CRPPA: variants seen among roughly 807,000 people sequenced by gnomAD.
CRPPA encodes the protein D-ribitol-5-phosphate cytidylyltransferase.
In CRPPA, 43 loss-of-function variants were observed where a neutral mutation model predicts 52.0. The ratio of observed to expected loss-of-function variants is 0.83; its 90% CI spans 0.65 to 1.07. The LOEUF (loss-of-function observed/expected upper bound fraction) is 1.07. Among genes scored for constraint, CRPPA ranks in the 50% least tolerant of loss-of-function variants. CRPPA has a pLI of 0.00. For missense variants in CRPPA, 629 were observed against 551.7 expected (o/e 1.14, Z -1.40); for synonymous variants, 250 against 203.5 (o/e 1.23, Z -1.94).
intron 3 of CRPPA, among the ~76,000 whole-genome samples, chr7:16,331,696 T>C (rs575871614): frequency 1.3e-5 from 2 of 152,188 alleles, no homozygotes; most frequent in South Asian, 2.1e-4. Context: ...TCAAAAACAC[T>C]AATAGAAATG....
At chr7:16,331,022 T>C (rs1204775544) in intron 3 of CRPPA, among the ~76,000 whole-genome samples, 2 of 152,144 alleles carry the variant, frequency 1.3e-5, no homozygotes, top group African/African-American at 2.4e-5. Context: ...TTTTTTGAGA[T>C]GGAGTCTCGC....
chr7:16,243,238 C>G (rs543200119), intron 8 of CRPPA, among the ~76,000 whole-genome samples: 3 of 152,258 alleles, frequency 2.0e-5, no homozygotes, highest in Admixed American at 6.5e-5. Flanking sequence ...GAAGAAGGTG[C>G]CTGCTTCTCC....
chr7:16,355,765 G>A (rs1308078752), intron 3 of CRPPA, among the ~76,000 whole-genome samples: 1 of 152,168 alleles, frequency 6.6e-6, no homozygotes, highest in Non-Finnish European at 1.5e-5. Context: ...TTGAACTAGA[G>A]TGGTTTGGGT....
intron 3 of CRPPA, among the ~76,000 whole-genome samples, chr7:16,363,647 A>C (rs2128309749): frequency 6.6e-6 from 1 of 152,318 alleles, no homozygotes. Flanking sequence ...ATCAAGCATT[A>C]TACTTAAGAA....
At chr7:16,170,707 G>A (rs1164642763) in intron 9 of CRPPA, among the ~76,000 whole-genome samples, 1 of 152,202 alleles carries the variant, frequency 6.6e-6, no homozygotes, top group Non-Finnish European at 1.5e-5. Flanking sequence ...GTGGGCTGCA[G>A]GTCCCGAGCC....
chr7:16,163,328 A>G (rs1188766176), intron 9 of CRPPA, among the ~76,000 whole-genome samples: 1 of 149,886 alleles, frequency 6.7e-6, no homozygotes, highest in Non-Finnish European at 1.5e-5. Flanking sequence ...AGAGACCAGG[A>G]TTGCAACCCC....
At chr7:16,264,353 T>C (rs1783896278) in intron 6 of CRPPA, among the ~76,000 whole-genome samples, 1 of 152,158 alleles carries the variant, frequency 6.6e-6, no homozygotes, top group Non-Finnish European at 1.5e-5. Flanking sequence ...CAACTTCCAA[T>C]GTGTTCAGTA....
At chr7:16,402,267 C>G (rs1787837110) in intron 2 of CRPPA, among the ~76,000 whole-genome samples, 1 of 152,148 alleles carries the variant, frequency 6.6e-6, no homozygotes, top group Non-Finnish European at 1.5e-5. Context: ...TTTGGAGTTT[C>G]ATTTAACATT....
chr7:16,320,112 G>A (rs764863837), intron 3 of CRPPA, among the ~76,000 whole-genome samples: 3 of 152,070 alleles, frequency 2.0e-5, no homozygotes, highest in Non-Finnish European at 4.4e-5. Flanking sequence ...CTATTCTTTT[G>A]AGGATTTGTC....
intron 6 of CRPPA, among the ~76,000 whole-genome samples, chr7:16,259,354 G>A (rs933905471): frequency 2.0e-5 from 3 of 151,970 alleles, no homozygotes; most frequent in African/African-American, 7.2e-5. Flanking sequence ...GAGAAAGGGT[G>A]CAGTGATGAT....
intron 9 of CRPPA, among the ~76,000 whole-genome samples, chr7:16,098,539 C>T (rs942670781): frequency 6.6e-6 from 1 of 152,046 alleles, no homozygotes; most frequent in African/African-American, 2.4e-5. Context: ...TTAAATGTCA[C>T]AAAATTTCAA....
intron 6 of CRPPA, 48 bp from the exon 7 acceptor site, chr7:16,259,060 A>C: frequency 7.8e-7 from 1 of 1,280,532 alleles, no homozygotes; most frequent in Non-Finnish European, 1.1e-6. Context: ...TAGACCAAAC[A>C]TAAACATCTT....
chr7:16,190,501 A>C (rs1365570403), intron 9 of CRPPA, among the ~76,000 whole-genome samples: 1 of 152,172 alleles, frequency 6.6e-6, no homozygotes, highest in Non-Finnish European at 1.5e-5. Context: ...GTATAACTGA[A>C]AATAAAAAGT....
intron 8 of CRPPA, among the ~76,000 whole-genome samples, chr7:16,228,083 C>T (rs1782697202): frequency 6.6e-6 from 1 of 151,792 alleles, no homozygotes; most frequent in Non-Finnish European, 1.5e-5. Context: ...CTATAACGTT[C>T]CATTTGTCTA....
intron 9 of CRPPA, among the ~76,000 whole-genome samples, chr7:16,109,863 CT>C (rs1393651521): frequency 1.3e-5 from 2 of 151,916 alleles, no homozygotes; most frequent in Non-Finnish European, 2.9e-5. Context: ...ATAGTTAATG[CT>C]GAAGCCTTTC....
intron 9 of CRPPA, among the ~76,000 whole-genome samples, chr7:16,170,067 C>A (rs1054702367): frequency 1.3e-5 from 2 of 151,764 alleles, no homozygotes; most frequent in African/African-American, 2.4e-5. Flanking sequence ...AATTTTTAGG[C>A]CCTAAATAAA....
chr7:16,162,973 CTTT>C (rs377244023), intron 9 of CRPPA, among the ~76,000 whole-genome samples: 5 of 120,828 alleles, frequency 4.1e-5, no homozygotes, highest in Non-Finnish European at 6.8e-5. Context: ...TTTTCTTTCT[CTTT>C]TTTTTTTTTT....
At chr7:16,364,329 G>A (rs62441091) in intron 3 of CRPPA, among the ~76,000 whole-genome samples, 40,792 of 152,026 alleles carry the variant, frequency 0.27, 5,734 homozygotes, top group Admixed American at 0.33. Flanking sequence ...ATTGATGAAT[G>A]AATTCTTAAA....
At chr7:16,146,720 A>T (rs1271655673) in intron 9 of CRPPA, among the ~76,000 whole-genome samples, 2 of 152,172 alleles carry the variant, frequency 1.3e-5, no homozygotes, top group African/African-American at 4.8e-5. Context: ...AAGATGTTTT[A>T]TGTAAGCCTC....
Sources: allele counts gnomAD v4.1 joint callset (sites outside exome capture counted in the v4.1 genomes callset), GRCh38; gene constraint gnomAD v4.1.1; transcripts MANE v1.5; gene names NCBI Gene and HGNC (gene_info 2026-07-23, HGNC 2026-07-21).